The following PTPRD variants were observed in gnomAD, a reference collection of about 807,000 sequenced individuals.
PTPRD encodes the protein receptor-type tyrosine-protein phosphatase delta.
A neutral mutation model predicts 214.5 loss-of-function variants in PTPRD; 34 were observed. The ratio of observed to expected loss-of-function variants is 0.16; its 90% CI spans 0.12 to 0.21. The LOEUF is 0.21. PTPRD is among the 10% of genes least tolerant of loss of function. PTPRD has a pLI of 1.00. For synonymous variants in PTPRD, 1,128 were observed against 845.7 expected (o/e 1.33, Z -5.79); for missense variants, 2,545 against 2,398.7 (o/e 1.06, Z -1.27).
chr9:10,411,390 T>C (rs2098435150), intron 2 of PTPRD, among the ~76,000 whole-genome samples: 1 of 151,782 alleles, frequency 6.6e-6, no homozygotes, highest in Non-Finnish European at 1.5e-5. Context: ...GATGCAACCA[T>C]ATGTCTAAGT....
At chr9:8,760,362 T>G (rs1204551719) in intron 11 of PTPRD, among the ~76,000 whole-genome samples, 1 of 152,202 alleles carries the variant, frequency 6.6e-6, no homozygotes, top group Non-Finnish European at 1.5e-5. Flanking sequence ...TTTGGAGTTT[T>G]GTTTGGTTTC....
intron 14 of PTPRD, among the ~76,000 whole-genome samples, chr9:8,603,890 T>A (rs1404519591): frequency 6.6e-6 from 1 of 152,180 alleles, no homozygotes; most frequent in Non-Finnish European, 1.5e-5. Flanking sequence ...AAGGCTACAA[T>A]GAAAACATGT....
intron 12 of PTPRD, among the ~76,000 whole-genome samples, chr9:8,685,081 G>C (rs1232633773): frequency 6.6e-6 from 1 of 152,070 alleles, no homozygotes; most frequent in Non-Finnish European, 1.5e-5. Flanking sequence ...AAGGGCAACA[G>C]CATTACATTG....
intron 10 of PTPRD, among the ~76,000 whole-genome samples, chr9:9,050,301 G>A (rs1310891889): frequency 6.6e-6 from 1 of 152,192 alleles, no homozygotes; most frequent in Non-Finnish European, 1.5e-5. Context: ...GCAATGCAAT[G>A]AAGGAAGATG....
chr9:9,700,184 T>A (rs960280714), intron 7 of PTPRD, among the ~76,000 whole-genome samples: 15 of 152,140 alleles, frequency 9.9e-5, no homozygotes, highest in African/African-American at 2.7e-4. Flanking sequence ...ATCATCATTT[T>A]GTTGTAGTAC....
intron 2 of PTPRD, among the ~76,000 whole-genome samples, chr9:10,539,083 C>T (rs10959158): frequency 0.19 from 29,491 of 152,142 alleles, 3,111 homozygotes; most frequent in Admixed American, 0.28. Context: ...CTGAAAATAC[C>T]CCTTTCTCTC....
chr9:10,167,462 A>G (rs1229693950), intron 3 of PTPRD, among the ~76,000 whole-genome samples: 2 of 152,180 alleles, frequency 1.3e-5, no homozygotes, highest in African/African-American at 4.8e-5. Flanking sequence ...TATGTATTAC[A>G]AAGTACAGGA....
chr9:9,252,322 T>G (rs1379555480), intron 9 of PTPRD, among the ~76,000 whole-genome samples: 1 of 152,030 alleles, frequency 6.6e-6, no homozygotes, highest in African/African-American at 2.4e-5. Flanking sequence ...AACGAGTTAA[T>G]TAAGAGATTT....
At chr9:8,779,159 G>T (rs1349288725) in intron 11 of PTPRD, among the ~76,000 whole-genome samples, 1 of 152,164 alleles carries the variant, frequency 6.6e-6, no homozygotes, top group South Asian at 2.1e-4. Context: ...ATAGCAGAAG[G>T]CTGACAGAAA....
At chr9:9,131,959 T>C (rs935921787) in intron 10 of PTPRD, among the ~76,000 whole-genome samples, 2 of 152,124 alleles carry the variant, frequency 1.3e-5, no homozygotes, top group South Asian at 2.1e-4. Flanking sequence ...TGAGGGGGAA[T>C]TGTTTAGTCT....
intron 10 of PTPRD, among the ~76,000 whole-genome samples, chr9:9,056,100 T>C (rs551146380): frequency 1.3e-5 from 2 of 152,176 alleles, no homozygotes; most frequent in Non-Finnish European, 2.9e-5. Flanking sequence ...TATTGTTGTT[T>C]TCTAGACTAT....
intron 2 of PTPRD, among the ~76,000 whole-genome samples, chr9:10,565,174 G>A (rs916718517): frequency 4.6e-5 from 7 of 151,906 alleles, no homozygotes; most frequent in Admixed American, 2.0e-4. Context: ...ATGTAGGCAC[G>A]TATTTCTATT....
chr9:10,424,455 C>A (rs911053738), intron 2 of PTPRD, among the ~76,000 whole-genome samples: 14 of 151,748 alleles, frequency 9.2e-5, no homozygotes, highest in African/African-American at 3.1e-4. Flanking sequence ...TCATAGAAAT[C>A]TTTGTTCACC....
chr9:9,839,982 A>C (rs933967685), intron 5 of PTPRD, among the ~76,000 whole-genome samples: 4 of 152,108 alleles, frequency 2.6e-5, no homozygotes, highest in Non-Finnish European at 5.9e-5. Context: ...AAAGTCATAC[A>C]TCCAAATACT....
chr9:9,142,715 T>C (rs1240367771), intron 10 of PTPRD, among the ~76,000 whole-genome samples: 3 of 152,214 alleles, frequency 2.0e-5, no homozygotes, highest in Admixed American at 2.0e-4. Flanking sequence ...AATTCAGAAT[T>C]TCTGACTCCT....
At chr9:9,645,855 G>T (rs1296940754) in intron 7 of PTPRD, among the ~76,000 whole-genome samples, 1 of 152,000 alleles carries the variant, frequency 6.6e-6, no homozygotes, top group Non-Finnish European at 1.5e-5. Context: ...TTCATCAAAT[G>T]TACAAGCAAA....
At chr9:9,887,858 C>T (rs2071564472) in intron 5 of PTPRD, among the ~76,000 whole-genome samples, 1 of 152,034 alleles carries the variant, frequency 6.6e-6, no homozygotes, top group African/African-American at 2.4e-5. Context: ...ATATCTATTC[C>T]ATTACCTGAA....
At chr9:8,825,965 T>C (rs142313368) in intron 11 of PTPRD, among the ~76,000 whole-genome samples, 33 of 152,308 alleles carry the variant, frequency 2.2e-4, no homozygotes, top group African/African-American at 7.7e-4. Flanking sequence ...TTATGGCCTG[T>C]ATTTTGTACT....
At chr9:10,592,862 G>A (rs116679168) in intron 2 of PTPRD, among the ~76,000 whole-genome samples, 58 of 152,052 alleles carry the variant, frequency 3.8e-4, no homozygotes, top group African/African-American at 1.4e-3. Flanking sequence ...CATGGGCGGG[G>A]ACTAATAAGG....
Sources: allele counts gnomAD v4.1 joint callset (sites outside exome capture counted in the v4.1 genomes callset), GRCh38; gene constraint gnomAD v4.1.1; transcripts MANE v1.5; gene names NCBI Gene and HGNC (gene_info 2026-07-23, HGNC 2026-07-21).